CHFR: variants seen among roughly 807,000 people sequenced by gnomAD.
CHFR encodes E3 ubiquitin-protein ligase CHFR.
A neutral mutation model predicts 87.6 loss-of-function variants in CHFR; 57 were observed. The observed-to-expected ratio is 0.65, with a 90% CI of 0.53 to 0.81. CHFR has a LOEUF of 0.81. Ranked by LOEUF, CHFR falls within the 30% of genes least tolerant of loss-of-function variation. The pLI, the probability that CHFR is intolerant of heterozygous loss-of-function variation, is 0.00. For missense variants in CHFR, 797 were observed against 865.8 expected (o/e 0.92, Z 1.00); for synonymous variants, 381 against 359.2 (o/e 1.06, Z -0.69).
In CHFR at chr12:132,836,418, A is replaced by G. The variant is rs1429646634; in HGVS notation, c.*5136T>C. The G allele has an allele frequency of 6.4e-6, 2 of 314,582 alleles. No individual in the cohort carries two copies. The highest frequency in any genetic ancestry group is 1.2e-3 in the Middle Eastern group (1 of 846). The allele number at this position is 314,582 out of a possible 1,614,324, so 19.5% of individuals were successfully genotyped here. A position where few individuals can be genotyped will look rare whatever the true frequency, so the allele number is the denominator to read the frequency against. On this transcript the variant is annotated 3_prime_UTR_variant, in exon 18 of 18. Transcript: ENST00000450056. Reference sequence around the variant, plus strand: ...TCCCAGCACGGCGCTCGGCCCTCACAGTGACAGGCTCCCAGCACGGCGCAC... The same window carrying G: ...TCCCAGCACGGCGCTCGGCCCTCACGGTGACAGGCTCCCAGCACGGCGCAC...
chr12:132,855,788 C>T lies in CHFR; in HGVS notation c.1229+680G>A, dbSNP rs549268530. ...TTAATGCTAAAGTGGTTTTGGTTTCCTTCTTTTTGCTTAACAGTCACATGC... is the reference window on the plus strand; with the variant it reads ...TTAATGCTAAAGTGGTTTTGGTTTCTTTCTTTTTGCTTAACAGTCACATGC... On this transcript the variant is annotated intron_variant, in intron 10 of 17. Coordinates refer to ENST00000450056, the MANE Select transcript of CHFR (RefSeq NM_001161346.2). Among the ~76,000 whole-genome samples the T allele has an allele frequency of 5.9e-5, 9 of 152,296 alleles. No individual in the cohort carries two copies. The South Asian group carries it at 1.2e-3, about 21-fold the overall frequency.
rs1453350065 is a variant in CHFR at position 132,887,128 on chromosome 12, G to C, written c.133+68C>G. 2.2e-6 allele frequency: 3 copies of C among 1,342,298 alleles called. No individual in the cohort carries two copies. The African/African-American group carries it at 4.6e-5, about 21-fold the overall frequency. The allele number at this position is 1,342,298 out of a possible 1,614,324, so 83.1% of individuals were successfully genotyped here. On this transcript the variant is annotated intron_variant, in intron 2 of 17. Coordinates refer to ENST00000450056, the MANE Select transcript of CHFR (RefSeq NM_001161346.2). Reference sequence around the variant, plus strand: ...TGGAGCGCACACTGCACCGCCGCCCGTGTGGCCTGCCCGCAACCCGGTGGC... The same window carrying C: ...TGGAGCGCACACTGCACCGCCGCCCCTGTGGCCTGCCCGCAACCCGGTGGC...
At chr12:132,887,504 C>T (rs1951930019) in intron 1 of CHFR, 43 bp downstream of exon 1, 1 of 246,484 alleles carries the variant, frequency 4.1e-6, no homozygotes, top group South Asian at 1.3e-4. Flanking sequence ...CAACCAGGTC[C>T]CCCTTCGCCG....
In CHFR at chr12:132,862,408, C is replaced by T. The variant is rs139045656; in HGVS notation, c.584-774G>A. ...AGGAGTTTTAGACCAGCCTGGGCAA[C>T]ACAGCAAGGCACCATCTCTACAAAA... On this transcript the variant is annotated intron_variant, in intron 6 of 17. Coordinates refer to ENST00000450056, the MANE Select transcript of CHFR (RefSeq NM_001161346.2). 1.9e-3 allele frequency: 848 copies of T among 447,660 alleles called. 7 individuals carry two copies. Among genetic ancestry groups the T allele is most frequent in the East Asian group, 4.2e-3 (58 of 13,778 alleles). 27.7% of individuals were successfully genotyped at this position (447,660 alleles called of 1,614,324 possible).
chr12:132,858,125 G>A (rs1951124478), intron 8 of CHFR, among the ~76,000 whole-genome samples: 1 of 152,194 alleles, frequency 6.6e-6, no homozygotes. Context: ...GGGAGGCCAA[G>A]GTGGGCAGAT....
At chr12:132,842,553 C>T (rs1054138252) in intron 17 of CHFR, among the ~76,000 whole-genome samples, 1 of 152,218 alleles carries the variant, frequency 6.6e-6, no homozygotes, top group Non-Finnish European at 1.5e-5. Context: ...GCCTCCTGAC[C>T]TACGCCTCCC....
At chr12:132,864,917 G>C (rs1171198101) in intron 6 of CHFR, among the ~76,000 whole-genome samples, 1 of 152,184 alleles carries the variant, frequency 6.6e-6, no homozygotes, top group African/African-American at 2.4e-5. Context: ...TTGGTGGATA[G>C]GAACAGGAAA....
At chr12:132,884,597 G>A (rs1566209134) in intron 2 of CHFR, among the ~76,000 whole-genome samples, 1 of 152,070 alleles carries the variant, frequency 6.6e-6, no homozygotes, top group Non-Finnish European at 1.5e-5. Flanking sequence ...AATGTTAAAT[G>A]AGGTCACTAG....
chr12:132,857,797 AC>A (rs1181414586), intron 8 of CHFR, among the ~76,000 whole-genome samples: 2 of 152,342 alleles, frequency 1.3e-5, no homozygotes, highest in East Asian at 3.9e-4. Flanking sequence ...AACAACAGAG[AC>A]AGCAAGTGTT....
rs1450866372 is a variant in CHFR, at chr12:132,843,971, G to A, written c.1843+56C>T. On this transcript the variant is annotated intron_variant, in intron 16 of 17. Transcript: ENST00000450056. ...TCAAAAAAAAAAAAGAGAGGCAGAA[G>A]CCAAGAAGCCAACCCAGACAGAACT... 50 of 1,110,758 alleles carry A rather than the reference G, an allele frequency of 4.5e-5. No individual in the cohort carries two copies. The Admixed American group carries it at 7.7e-4, about 17-fold the overall frequency. 68.8% of individuals were successfully genotyped at this position (1,110,758 alleles called of 1,614,324 possible).
chr12:132,866,292 C>CAACACACCGGAATGTT (rs1259363452), intron 6 of CHFR: 3 of 152,200 alleles, frequency 2.0e-5, no homozygotes, highest in Non-Finnish European at 4.4e-5. Flanking sequence ...CAGAATGTGA[C>CAACACACCGGAATGTT]AACACACCGG....
At chr12:132,887,105 G>A (rs1381775196) in intron 2 of CHFR, 91 bp downstream of exon 2, 2 of 1,112,578 alleles carry the variant, frequency 1.8e-6, no homozygotes, top group East Asian at 3.2e-5. Flanking sequence ...GAAAAATCTG[G>A]AGCGCACACT....
intron 4 of CHFR, 135 bp downstream of exon 4, chr12:132,872,150 A>G: frequency 1.5e-6 from 1 of 655,296 alleles, no homozygotes; most frequent in Non-Finnish European, 2.8e-6. Flanking sequence ...GCAGGAACCC[A>G]TGTGAGCAAG....
intron 10 of CHFR, among the ~76,000 whole-genome samples, chr12:132,856,014 G>A (rs1448097980): frequency 8.5e-5 from 13 of 152,230 alleles, no homozygotes; most frequent in Admixed American, 7.9e-4. Flanking sequence ...CTGTAATAAC[G>A]TCCTGACAAA....
At chr12:132,844,231 G>A (rs952444563) in intron 15 of CHFR, 97 bp from the exon 16 acceptor site, 7 of 746,552 alleles carry the variant, frequency 9.4e-6, no homozygotes, top group Non-Finnish European at 1.7e-5. Context: ...GACCATAAAT[G>A]GGGTGAAGAC....
At chr12:132,857,246 G>A (rs111384368) in intron 9 of CHFR, among the ~76,000 whole-genome samples, 159 bp downstream of exon 9, 1 of 143,638 alleles carries the variant, frequency 7.0e-6, no homozygotes, top group East Asian at 2.1e-4. Flanking sequence ...TCACGTGCCC[G>A]GGTGCTGGTG....
At chr12:132,884,238 G>C (rs1434254701) in intron 2 of CHFR, among the ~76,000 whole-genome samples, 1 of 152,098 alleles carries the variant, frequency 6.6e-6, no homozygotes, top group African/African-American at 2.4e-5. Context: ...GACGAACATG[G>C]AGAAACCCCG....
Position 132,840,548 on chromosome 12 carries a change from TC to T in CHFR, c.*1005del, listed in dbSNP as rs1176616028. The T allele has an allele frequency of 6.6e-6, 1 of 152,648 alleles. No individual in the cohort carries two copies. Among genetic ancestry groups the T allele is most frequent in the Non-Finnish European group, 1.5e-5 (1 of 68,048 alleles). 9.5% of individuals were successfully genotyped at this position (152,648 alleles called of 1,614,324 possible). On this transcript the variant is annotated 3_prime_UTR_variant, in exon 18 of 18. Transcript: ENST00000450056. ...CAACAAAAGATAAAAAACTTTTTTTTCCAAAAATCAAAATTTCAAGTATTAT... is the reference window on the plus strand; with the variant it reads ...CAACAAAAGATAAAAAACTTTTTTTTCAAAAATCAAAATTTCAAGTATTAT...
At chr12:132,866,744 C>T (rs778274217) in intron 6 of CHFR, 4 of 152,250 alleles carry the variant, frequency 2.6e-5, no homozygotes, top group Admixed American at 6.5e-5. Context: ...TGTTACAACA[C>T]ACTGGAATGT....
Sources: allele counts gnomAD v4.1 joint callset (sites outside exome capture counted in the v4.1 genomes callset), GRCh38; gene constraint gnomAD v4.1.1; transcripts MANE v1.5; gene names NCBI Gene and HGNC (gene_info 2026-07-23, HGNC 2026-07-21).